F13A1: variants seen among roughly 807,000 people sequenced by gnomAD.
F13A1 encodes coagulation factor XIII A chain.
In F13A1, 47 loss-of-function variants were observed where a neutral mutation model predicts 80.1. The observed-to-expected ratio is 0.59, with a 90% confidence interval of 0.46 to 0.75. F13A1 has a LOEUF of 0.75. F13A1 is among the 30% of genes least tolerant of loss of function. F13A1 has a pLI of 0.00. For synonymous variants in F13A1, 349 were observed against 344.9 expected (o/e 1.01, Z -0.13); for missense variants, 817 against 930.4 (o/e 0.88, Z 1.59).
chr6:6,318,780 G>T, intron 1 of F13A1, 98 bp from the exon 2 acceptor site: 1 of 1,278,990 alleles, frequency 7.8e-7, no homozygotes, highest in Non-Finnish European at 1.1e-6. Context: ...ATATATCTGT[G>T]TGTGATAGCA....
chr6:6,241,129 A>T (rs1757478658), intron 6 of F13A1, among the ~76,000 whole-genome samples: 1 of 152,202 alleles, frequency 6.6e-6, no homozygotes, highest in East Asian at 1.9e-4. Context: ...TCCTGATATG[A>T]ATCATAGAAA....
At chr6:6,181,921 G>A (rs941164067) in intron 11 of F13A1, 67 bp downstream of exon 11, 66 of 1,560,288 alleles carry the variant, frequency 4.2e-5, no homozygotes, top group Non-Finnish European at 5.6e-5. Flanking sequence ...ACTCATCTCT[G>A]AGTGACAATG....
chr6:6,220,401 C>G (rs1464870672), intron 8 of F13A1, among the ~76,000 whole-genome samples: 1 of 152,118 alleles, frequency 6.6e-6, no homozygotes, highest in Non-Finnish European at 1.5e-5. Flanking sequence ...CAAGATCTAC[C>G]TTCGCTATTT....
chr6:6,319,900 G>C (rs572661517), intron 1 of F13A1, among the ~76,000 whole-genome samples: 2 of 152,260 alleles, frequency 1.3e-5, no homozygotes, highest in East Asian at 3.9e-4. Context: ...AGGGAGAAGA[G>C]CGAAAAAGGG....
At chr6:6,218,551 G>A (rs969876279) in intron 8 of F13A1, among the ~76,000 whole-genome samples, 5 of 152,128 alleles carry the variant, frequency 3.3e-5, no homozygotes, top group African/African-American at 9.7e-5. Flanking sequence ...TTGCTACCCT[G>A]GGATCTAATT....
chr6:6,160,208 C>T (rs62407989), intron 13 of F13A1, among the ~76,000 whole-genome samples: 8,373 of 142,844 alleles, frequency 0.059, 416 homozygotes, highest in African/African-American at 0.14. Context: ...ACCCAGGAGA[C>T]GAAGGTTGCA....
At chr6:6,294,040 G>C (rs1465463250) in intron 3 of F13A1, among the ~76,000 whole-genome samples, 1 of 152,082 alleles carries the variant, frequency 6.6e-6, no homozygotes, top group Non-Finnish European at 1.5e-5. Context: ...TATAATAATA[G>C]CTTGCTTTAT....
intron 7 of F13A1, among the ~76,000 whole-genome samples, chr6:6,222,642 A>C (rs3024414): frequency 6.6e-6 from 1 of 152,164 alleles, no homozygotes; most frequent in Non-Finnish European, 1.5e-5. Context: ...ATTTTAGTTC[A>C]TTTTAATAGA....
chr6:6,248,333 G>A lies in F13A1; in HGVS notation c.777C>T (p.Val259=). 1.2e-6 allele frequency: 2 copies of A among 1,613,876 alleles called. No homozygotes were observed. The highest frequency in any genetic ancestry group is 1.1e-5 in the South Asian group (1 of 91,080). The change falls in exon 6 of 15, where the codon GTC becomes GTT. Residue 259 remains valine, a synonymous_variant. Transcript: ENST00000264870. Reference sequence around the variant, plus strand: ...TTACCATTGCAGACCCCACACGGCTGACTTTGATGGGATTCCCTCTTCCAG... The same window carrying A: ...TTACCATTGCAGACCCCACACGGCTAACTTTGATGGGATTCCCTCTTCCAG... ...DLSGRGNPIK[V]SRVGSAMVNA...
intron 13 of F13A1, among the ~76,000 whole-genome samples, chr6:6,153,113 A>G (rs2151068784): frequency 6.6e-6 from 1 of 152,364 alleles, no homozygotes; most frequent in South Asian, 2.1e-4. Flanking sequence ...ACCAATGTCC[A>G]GTAAATATTT....
intron 3 of F13A1, among the ~76,000 whole-genome samples, chr6:6,302,200 T>A (rs1392732649): frequency 6.6e-6 from 1 of 151,928 alleles, no homozygotes; most frequent in African/African-American, 2.4e-5. Context: ...CCACCCTAAA[T>A]ATTTGGCTTT....
chr6:6,210,933 G>T (rs1761597310), intron 8 of F13A1, among the ~76,000 whole-genome samples: 1 of 151,906 alleles, frequency 6.6e-6, no homozygotes, highest in Non-Finnish European at 1.5e-5. Context: ...TTATCACCGT[G>T]TTGGTCAGGC....
chr6:6,259,141 G>A (rs1323748854), intron 4 of F13A1, among the ~76,000 whole-genome samples: 2 of 152,152 alleles, frequency 1.3e-5, no homozygotes, highest in African/African-American at 2.4e-5. Context: ...TCATTGTGTT[G>A]TCATGGGCAT....
chr6:6,248,898 A>G (rs888347162), intron 5 of F13A1, among the ~76,000 whole-genome samples: 10 of 152,168 alleles, frequency 6.6e-5, no homozygotes, highest in Non-Finnish European at 1.2e-4. Context: ...TTGCACCCAA[A>G]ATAGTAGGAG....
Position 6,238,715 on chromosome 6 carries a change from C to CATATATATATATATATATAT in F13A1, c.798+9596_798+9597insATATATATATATATATATAT, listed in dbSNP as rs4053228. 3.8e-3 allele frequency among the ~76,000 whole-genome samples: 552 copies of CATATATATATATATATATAT among 145,884 alleles called. 2 individuals are homozygous for CATATATATATATATATATAT. The highest frequency in any genetic ancestry group is 6.2e-3 in the African/African-American group (242 of 39,190). ...AATCAGTAGACTTGAAAACATGCTGCATATATATATATATATATAGCCAAT... is the reference window on the plus strand; with the variant it reads ...AATCAGTAGACTTGAAAACATGCTGCATATATATATATATATATATATATATATATATATATATAGCCAAT... On this transcript the variant is annotated intron_variant, in intron 6 of 14. Coordinates refer to ENST00000264870, the MANE Select transcript of F13A1 (RefSeq NM_000129.4).
chr6:6,210,330 T>TATATATATATATATATATATATAG (rs1233175241), intron 8 of F13A1, among the ~76,000 whole-genome samples: 1 of 119,320 alleles, frequency 8.4e-6, no homozygotes, highest in African/African-American at 3.8e-5. Context: ...ATGTGATATA[T>TATATATATATATATATATATATAG]ATATATATAT....
At chr6:6,173,431 G>A (rs1440068546) in intron 12 of F13A1, among the ~76,000 whole-genome samples, 5 of 140,368 alleles carry the variant, frequency 3.6e-5, no homozygotes, top group East Asian at 4.1e-4. Flanking sequence ...TTTTTGAGAC[G>A]GAGTATCGCT....
At chr6:6,258,371 G>A (rs9504737) in intron 4 of F13A1, among the ~76,000 whole-genome samples, 19,718 of 152,058 alleles carry the variant, frequency 0.13, 1,839 homozygotes, top group African/African-American at 0.26. Flanking sequence ...CAGGCACCAC[G>A]AAAGGCTGAA....
rs141238959 is a variant in F13A1 at position 6,233,822 on chromosome 6, A to G, written c.799-8962T>C. 1.7e-3 allele frequency among the ~76,000 whole-genome samples: 265 copies of G among 152,326 alleles called. 1 individual carries two copies. The highest frequency in any genetic ancestry group is 0.011 in the East Asian group (59 of 5,194). Reference sequence around the variant, plus strand: ...CACAAGTCAATAAATGTGATGCACCATATAAACAGAATTAAAAACAAAAAT... The same window carrying G: ...CACAAGTCAATAAATGTGATGCACCGTATAAACAGAATTAAAAACAAAAAT... On this transcript the variant is annotated intron_variant, in intron 6 of 14. Coordinates refer to ENST00000264870, the MANE Select transcript of F13A1 (RefSeq NM_000129.4).
Sources: gnomAD v4.1 joint callset for allele counts (sites outside exome capture counted in the v4.1 genomes callset) on GRCh38, gnomAD v4.1.1 for gene constraint, MANE v1.5 for transcripts, NCBI Gene and HGNC (gene_info 2026-07-23, HGNC 2026-07-21) for gene names.